Variants in RARB observed in about 807,000 individuals in gnomAD.
RARB encodes the protein retinoic acid receptor beta, also known as HBV-activated protein.
RARB carries 17 observed loss-of-function variants against 51.9 expected under a neutral mutation model. That is an observed-to-expected ratio of 0.33 (90% CI 0.22 to 0.49). The LOEUF (loss-of-function observed/expected upper bound fraction) is 0.49, where lower values mean the gene tolerates loss of function less well. Among genes scored for constraint, RARB ranks in the 20% least tolerant of loss-of-function variants. The pLI, the probability that RARB is intolerant of heterozygous loss-of-function variation, is 0.99. For missense variants in RARB, 369 were observed against 550.8 expected, an observed-to-expected ratio of 0.67 and a Z score of 3.30; for synonymous variants, 215 against 195.4, an observed-to-expected ratio of 1.10 and a Z score of -0.84.
At chr3:25,417,367 TG>T (rs1442724253) in intron 5 of RARB, among the ~76,000 whole-genome samples, 1 of 152,116 alleles carries the variant, frequency 6.6e-6, no homozygotes, top group African/African-American at 2.4e-5. Flanking sequence ...TGATATGGTT[TG>T]GCTGTGTCCC....
chr3:24,925,604 C>A (rs868273139), intron 2 of RARB, among the ~76,000 whole-genome samples: 1 of 142,112 alleles, frequency 7.0e-6, no homozygotes, highest in African/African-American at 2.7e-5. Context: ...CAAGAGCTCA[C>A]GATTCCACTC....
intron 3 of RARB, among the ~76,000 whole-genome samples, chr3:25,543,978 G>A (rs1699499824): frequency 6.6e-6 from 1 of 152,168 alleles, no homozygotes; most frequent in African/African-American, 2.4e-5. Flanking sequence ...GATGTATAAA[G>A]ATGTTCATTG....
At chr3:25,005,193 C>T (rs893227659) in intron 2 of RARB, among the ~76,000 whole-genome samples, 1 of 152,166 alleles carries the variant, frequency 6.6e-6, no homozygotes, top group Admixed American at 6.6e-5. Flanking sequence ...GAAATAGCCT[C>T]CTAGCTAGTC....
rs1206196831 is a variant in RARB at position 25,461,357 on chromosome 3, T to G, written c.306+16T>G. On this transcript the variant is annotated intron_variant, in intron 2 of 7. Coordinates refer to ENST00000330688, the MANE Select transcript of RARB (RefSeq NM_000965.5). ...GGGATGTAAGGTGAGTATTCACACT[T>G]CTGTGCCTGATGAACTCTCATTCTC... 1.2e-6 allele frequency: 2 copies of G among 1,610,846 alleles called. No homozygotes were observed. The highest frequency in any genetic ancestry group is 2.2e-5 in the South Asian group (2 of 90,446).
At chr3:25,315,078 TACC>T (rs1559354345) in intron 5 of RARB, among the ~76,000 whole-genome samples, 1 of 152,250 alleles carries the variant, frequency 6.6e-6, no homozygotes, top group African/African-American at 2.4e-5. Flanking sequence ...GGTGTGTAGG[TACC>T]ACATTTTCTT....
At chr3:25,181,621 G>T (rs1042163397) in intron 5 of RARB, among the ~76,000 whole-genome samples, 1 of 152,116 alleles carries the variant, frequency 6.6e-6, no homozygotes, top group Non-Finnish European at 1.5e-5. Flanking sequence ...GTCCCACCAG[G>T]CATTCCTGTT....
intron 5 of RARB, among the ~76,000 whole-genome samples, chr3:25,583,137 A>G (rs1559479228): frequency 2.0e-5 from 3 of 152,192 alleles, no homozygotes; most frequent in Non-Finnish European, 4.4e-5. Flanking sequence ...ATCATACCAG[A>G]CAAAGTTCGA....
At chr3:25,196,731 G>T (rs1249266554) in intron 5 of RARB, among the ~76,000 whole-genome samples, 3 of 152,118 alleles carry the variant, frequency 2.0e-5, no homozygotes, top group Non-Finnish European at 2.9e-5. Context: ...TCCAGCACCT[G>T]TTGTTTCCTG....
chr3:25,482,107 C>G (rs1575445748), intron 2 of RARB, among the ~76,000 whole-genome samples: 1 of 152,298 alleles, frequency 6.6e-6, no homozygotes, highest in East Asian at 1.9e-4. Flanking sequence ...GCTTTCAGCT[C>G]CCTTTTTTTT....
chr3:24,899,400 C>G (rs567033427), intron 2 of RARB, among the ~76,000 whole-genome samples: 2 of 152,298 alleles, frequency 1.3e-5, no homozygotes, highest in South Asian at 4.1e-4. Context: ...CCAGCGCTTC[C>G]AGCTCCTTCA....
chr3:24,937,529 A>G lies in RARB; in HGVS notation c.-380+78777A>G, dbSNP rs76960484. Among the ~76,000 whole-genome samples, 250 of 152,282 alleles carry G rather than the reference A, an allele frequency of 1.6e-3. 4 individuals are homozygous for G. The East Asian group carries it at 0.042, about 26-fold the overall frequency. On this transcript the variant is annotated intron_variant, in intron 2 of 11. Transcript: ENST00000383772. ...AAACTGCTTTCCATTCCAGATCCCA[A>G]GGCAAATCCTAGGGCCTGGACTGAC...
Position 25,304,590 on chromosome 3 carries a change from T to C in RARB, c.178+130015T>C, listed in dbSNP as rs150632964. ...CCGAGATCTAATCCTTCCACAACTCTGTGGGCTTTATCTTTAAAGTCATCC... is the reference window on the plus strand; with the variant it reads ...CCGAGATCTAATCCTTCCACAACTCCGTGGGCTTTATCTTTAAAGTCATCC... On this transcript the variant is annotated intron_variant, in intron 5 of 11. Coordinates refer to the RARB transcript ENST00000383772. Among the ~76,000 whole-genome samples, 773 of 152,382 alleles carry C rather than the reference T, an allele frequency of 5.1e-3. 8 individuals carry two copies. Among genetic ancestry groups the C allele is most frequent in the African/African-American group, 0.018 (739 of 41,598 alleles).
chr3:25,474,732 A>G (rs993521830), intron 2 of RARB, among the ~76,000 whole-genome samples: 1 of 152,232 alleles, frequency 6.6e-6, no homozygotes, highest in Non-Finnish European at 1.5e-5. Flanking sequence ...GAAAGAGGGT[A>G]TCAGAAATTA....
At chr3:24,943,456 A>C (rs913419937) in intron 2 of RARB, among the ~76,000 whole-genome samples, 4 of 152,138 alleles carry the variant, frequency 2.6e-5, no homozygotes, top group Admixed American at 2.6e-4. Context: ...CCAAATCTCC[A>C]ATGTTGATTG....
chr3:24,980,534 C>A (rs1575103748), intron 2 of RARB, among the ~76,000 whole-genome samples: 1 of 152,138 alleles, frequency 6.6e-6, no homozygotes. Context: ...CAAATTCGAT[C>A]CTTTCTTCCA....
rs538114031 is a variant in RARB, at chr3:25,203,931, A to G, written c.178+29356A>G. 6.6e-5 allele frequency among the ~76,000 whole-genome samples: 10 copies of G among 152,232 alleles called. No homozygotes were observed. The East Asian group carries it at 1.5e-3, about 24-fold the overall frequency. On this transcript the variant is annotated intron_variant, in intron 5 of 11. Transcript: ENST00000383772. ...CTTGGAGTTGCTCTTCTTGAGGAGT[A>G]TCTTTGGGGAGTTCTGTGTATTTCC...
At chr3:25,393,623 T>C (rs1245131450) in intron 5 of RARB, among the ~76,000 whole-genome samples, 3 of 152,168 alleles carry the variant, frequency 2.0e-5, no homozygotes, top group African/African-American at 7.2e-5. Context: ...AGGAGGATTG[T>C]GTATTTCCAG....
At chr3:25,523,270 TCA>T (rs1487474866) in intron 3 of RARB, among the ~76,000 whole-genome samples, 12 of 152,190 alleles carry the variant, frequency 7.9e-5, no homozygotes, top group African/African-American at 2.9e-4. Flanking sequence ...GGGGTAAGAA[TCA>T]CATTCTTATA....
At chr3:25,039,113 A>C (rs1363870313) in intron 2 of RARB, among the ~76,000 whole-genome samples, 5 of 152,212 alleles carry the variant, frequency 3.3e-5, no homozygotes, top group Non-Finnish European at 7.3e-5. Flanking sequence ...ACTTGTCTGT[A>C]CAGGCTTGAC....
Sources: allele counts gnomAD v4.1 joint callset (sites outside exome capture counted in the v4.1 genomes callset), GRCh38; gene constraint gnomAD v4.1.1; transcripts MANE v1.5; gene names NCBI Gene and HGNC (gene_info 2026-07-23, HGNC 2026-07-21).